Variants in OXSR1 observed in about 807,000 individuals in gnomAD.
OXSR1 encodes the protein serine/threonine-protein kinase OSR1.
A neutral mutation model predicts 79.8 loss-of-function variants in OXSR1; 24 were observed. The ratio of observed to expected loss-of-function variants is 0.30; its 90% CI spans 0.22 to 0.42. OXSR1 has a LOEUF of 0.42. Among genes scored for constraint, OXSR1 ranks in the 10% least tolerant of loss-of-function variants. The probability of loss-of-function intolerance (pLI) is 1.00; values close to 1 mark genes in which losing one functional copy is unlikely to be tolerated. For synonymous variants in OXSR1, 226 were observed against 209.2 expected, an observed-to-expected ratio of 1.08 and a Z score of -0.69; for missense variants, 430 against 618.4, an observed-to-expected ratio of 0.70 and a Z score of 3.23.
intron 1 of OXSR1, among the ~76,000 whole-genome samples, chr3:38,167,765 T>A (rs568515191): frequency 6.6e-6 from 1 of 152,322 alleles, no homozygotes; most frequent in African/African-American, 2.4e-5. Context: ...TAGTTCCCGG[T>A]CTGGACTGAT....
rs946954102 is a variant in OXSR1, at chr3:38,227,591, G to A, written c.837-2096G>A. Among the ~76,000 whole-genome samples the A allele has an allele frequency of 7.4e-4, 103 of 138,782 alleles. 1 individual carries two copies. The highest frequency in any genetic ancestry group is 2.5e-3 in the African/African-American group (88 of 34,544). The allele number at this position is 138,782 out of a possible 152,430, so 91.0% of individuals were successfully genotyped here. A position where few individuals can be genotyped will look rare whatever the true frequency, so the allele number is the denominator to read the frequency against. On this transcript the variant is annotated intron_variant, in intron 8 of 17. Transcript: ENST00000311806. ...CACACACACACACACACACACAAAT[G>A]TACGTATACATATACATGAACTTAC...
chr3:38,254,133 TTA>T lies in OXSR1; in HGVS notation c.*1248_*1249del. On this transcript the variant is annotated 3_prime_UTR_variant, in exon 18 of 18. Coordinates refer to ENST00000311806, the MANE Select transcript of OXSR1 (RefSeq NM_005109.3). ...TAACTGCTAGTAACCCTACCGAGTT[TTA>T]TATATGAGTGGGATACTCAATCTGG... The T allele has an allele frequency of 2.5e-6, 1 of 398,742 alleles. No homozygotes were observed. Among genetic ancestry groups the T allele is most frequent in the Non-Finnish European group, 4.4e-6 (1 of 225,840 alleles). The allele number at this position is 398,742 out of a possible 1,614,324, so 24.7% of individuals were successfully genotyped here.
rs188454048 is a variant in OXSR1, at chr3:38,252,688, A to C, written c.1510-129A>C. ...CTTTTCTGGAATAAACACCTTCGTC[A>C]GTCTCCTATTTGTATCCTAGGGACC... On this transcript the variant is annotated intron_variant, in intron 17 of 17. Transcript: ENST00000311806. 8.7e-5 allele frequency: 61 copies of C among 704,650 alleles called. No individual in the cohort carries two copies. The African/African-American group carries it at 9.6e-4, about 11-fold the overall frequency. 43.6% of individuals were successfully genotyped at this position (704,650 alleles called of 1,614,324 possible). A position where few individuals can be genotyped will look rare whatever the true frequency, so the allele number is the denominator to read the frequency against.
At chr3:38,183,212 A>G (rs778074618) in intron 2 of OXSR1, 97 bp downstream of exon 2, 63 of 534,468 alleles carry the variant, frequency 1.2e-4, no homozygotes, top group Non-Finnish European at 1.7e-4. Context: ...TTCTTTTTAA[A>G]AAAGTTTATG....
At chr3:38,178,617 TA>T (rs1238826411) in intron 1 of OXSR1, among the ~76,000 whole-genome samples, 2,685 of 89,432 alleles carry the variant, frequency 0.03, 18 homozygotes, top group African/African-American at 0.053. Flanking sequence ...TATATATATA[TA>T]TATTTTTTTT....
intron 1 of OXSR1, among the ~76,000 whole-genome samples, chr3:38,179,138 C>T (rs1255136251): frequency 6.6e-6 from 1 of 151,668 alleles, no homozygotes; most frequent in East Asian, 1.9e-4. Context: ...TCAAGCGATC[C>T]TCCTACCTCA....
At chr3:38,169,649 G>C (rs1181771649) in intron 1 of OXSR1, among the ~76,000 whole-genome samples, 2 of 150,674 alleles carry the variant, frequency 1.3e-5, no homozygotes, top group Non-Finnish European at 3.0e-5. Flanking sequence ...ATGTGTGTTT[G>C]TATGTGTATT....
At chr3:38,189,240 TC>T (rs1701940084) in intron 2 of OXSR1, among the ~76,000 whole-genome samples, 2 of 152,218 alleles carry the variant, frequency 1.3e-5, no homozygotes, top group African/African-American at 4.8e-5. Context: ...TATCTTTTTT[TC>T]CTTCATGCTG....
chr3:38,190,851 A>T lies in OXSR1; in HGVS notation c.292+12A>T. ...GCTGCTAAGTGGAGGTGAGTAGAGT[A>T]CAAGGAAATGCTATAAGTACCATGG... On this transcript the variant is annotated intron_variant, in intron 3 of 17. Transcript: ENST00000311806. The T allele has an allele frequency of 7.4e-7, 1 of 1,359,356 alleles. No individual in the cohort carries two copies. The highest frequency in any genetic ancestry group is 1.1e-6 in the Non-Finnish European group (1 of 949,552). 84.2% of individuals were successfully genotyped at this position (1,359,356 alleles called of 1,614,324 possible).
chr3:38,169,232 A>G (rs1272101309), intron 1 of OXSR1, among the ~76,000 whole-genome samples: 2 of 151,456 alleles, frequency 1.3e-5, no homozygotes, highest in Non-Finnish European at 2.9e-5. Flanking sequence ...TTAGACTTTC[A>G]TGGATCTTCT....
chr3:38,193,128 TGAG>T (rs1023590268), intron 3 of OXSR1, among the ~76,000 whole-genome samples: 4 of 152,212 alleles, frequency 2.6e-5, no homozygotes, highest in South Asian at 4.1e-4. Context: ...AGGGTATTGA[TGAG>T]GAGTAAATGA....
intron 11 of OXSR1, among the ~76,000 whole-genome samples, chr3:38,239,358 T>A (rs1261386267): frequency 6.6e-6 from 1 of 152,202 alleles, no homozygotes; most frequent in Non-Finnish European, 1.5e-5. Flanking sequence ...AATTTTGTAT[T>A]TCTGTAAGTC....
chr3:38,215,646 T>G (rs979959720), intron 4 of OXSR1, among the ~76,000 whole-genome samples: 1 of 152,188 alleles, frequency 6.6e-6, no homozygotes, highest in Admixed American at 6.5e-5. Flanking sequence ...AAGAATATTT[T>G]TCTATATTAC....
Position 38,225,135 on chromosome 3 carries a change from T to C in OXSR1, c.836+431T>C, listed in dbSNP as rs200006520. 3.3e-5 allele frequency: 5 copies of C among 153,006 alleles called. No homozygotes were observed. The East Asian group carries it at 9.6e-4, about 29-fold the overall frequency. 9.5% of individuals were successfully genotyped at this position (153,006 alleles called of 1,614,324 possible). A position where few individuals can be genotyped will look rare whatever the true frequency, so the allele number is the denominator to read the frequency against. Reference sequence around the variant, plus strand: ...GATATTTTAGTAAGTGGACCAAAAATTCAAATAGCTTCCTTATCAATGTTA... The same window carrying C: ...GATATTTTAGTAAGTGGACCAAAAACTCAAATAGCTTCCTTATCAATGTTA... On this transcript the variant is annotated intron_variant, in intron 8 of 17. Coordinates refer to ENST00000311806, the MANE Select transcript of OXSR1 (RefSeq NM_005109.3).
chr3:38,208,739 A>G (rs1473098451), intron 4 of OXSR1, among the ~76,000 whole-genome samples: 1 of 152,088 alleles, frequency 6.6e-6, no homozygotes, highest in Non-Finnish European at 1.5e-5. Flanking sequence ...TGTCTCTACT[A>G]AAAATACAAA....
chr3:38,244,452 C>T (rs1703095109), intron 12 of OXSR1, among the ~76,000 whole-genome samples: 1 of 152,160 alleles, frequency 6.6e-6, no homozygotes, highest in African/African-American at 2.4e-5. Context: ...TCCCCAGTCG[C>T]TGGCAACCAC....
rs368041647 is a variant in OXSR1, at chr3:38,199,058, G to A, written c.434+195G>A. Reference sequence around the variant, plus strand: ...GTAAAACCAGACAATATAAAAACAGGAAAAATTCATAATTTCGTACCAAGA... The same window carrying A: ...GTAAAACCAGACAATATAAAAACAGAAAAAATTCATAATTTCGTACCAAGA... On this transcript the variant is annotated intron_variant, in intron 4 of 17. Coordinates refer to ENST00000311806, the MANE Select transcript of OXSR1 (RefSeq NM_005109.3). Among the ~76,000 whole-genome samples the A allele has an allele frequency of 2.5e-3, 386 of 152,178 alleles. 1 individual carries two copies. Among genetic ancestry groups the A allele is most frequent in the Middle Eastern group, 0.014 (4 of 294 alleles).
At chr3:38,196,153 G>A (rs961319492) in intron 3 of OXSR1, among the ~76,000 whole-genome samples, 1 of 152,146 alleles carries the variant, frequency 6.6e-6, no homozygotes, top group East Asian at 1.9e-4. Context: ...TTTCTTACAA[G>A]TTGTGCGTGA....
chr3:38,239,730 C>A lies in OXSR1; in HGVS notation c.1074+2769C>A, dbSNP rs78740388. ...ACCGTCTGCAGCTATCTAGGGTTCA[C>A]TCTCTTTGTAGCTTTCTCCTTCCTT... On this transcript the variant is annotated intron_variant, in intron 11 of 17. Transcript: ENST00000311806. 7.1e-3 allele frequency among the ~76,000 whole-genome samples: 1,077 copies of A among 152,316 alleles called. 18 individuals carry two copies. The highest frequency in any genetic ancestry group is 0.025 in the African/African-American group (1,033 of 41,566).
Sources: allele counts gnomAD v4.1 joint callset (sites outside exome capture counted in the v4.1 genomes callset), GRCh38; gene constraint gnomAD v4.1.1; transcripts MANE v1.5; gene names NCBI Gene and HGNC (gene_info 2026-07-23, HGNC 2026-07-21).